The following ARHGAP24 variants were observed in gnomAD, a reference collection of about 807,000 sequenced individuals.
ARHGAP24 encodes the protein rho GTPase-activating protein 24.
ARHGAP24 carries 50 observed loss-of-function variants against 76.4 expected under a neutral mutation model. The observed-to-expected ratio is 0.65, with a 90% CI of 0.52 to 0.83. The LOEUF (loss-of-function observed/expected upper bound fraction) is 0.83. Ranked by LOEUF, ARHGAP24 falls within the 40% of genes least tolerant of loss-of-function variation. ARHGAP24 has a pLI of 0.00. For missense variants in ARHGAP24, 930 were observed against 914.2 expected (o/e 1.02, Z -0.22); for synonymous variants, 345 against 323.3 (o/e 1.07, Z -0.72).
rs777505373 is a variant in ARHGAP24, at chr4:85,972,081, C to T, written c.645C>T (p.Leu215=). The T allele has an allele frequency of 7.9e-5, 128 of 1,614,038 alleles. 1 individual carries two copies. The South Asian group carries it at 1.1e-3, about 14-fold the overall frequency. ...TGGCATCACTTCTTAAGCTGTACCT[C>T]CGAGAACTTCCAGAACCAGTTATTC... ...HTVASLLKLY[L]RELPEPVIPY... The change falls in exon 6 of 10, where the codon CTC becomes CTT. Residue 215 remains leucine (L), a synonymous_variant. Transcript: ENST00000395184.
At chr4:85,981,031 C>A (rs1325899863) in intron 8 of ARHGAP24, among the ~76,000 whole-genome samples, 2 of 152,158 alleles carry the variant, frequency 1.3e-5, no homozygotes, top group Non-Finnish European at 2.9e-5. Context: ...AAATATACGA[C>A]CTTGAGAACA....
chr4:85,998,222 G>A (rs1002749614), intron 9 of ARHGAP24, among the ~76,000 whole-genome samples: 2 of 151,966 alleles, frequency 1.3e-5, no homozygotes, highest in Non-Finnish European at 2.9e-5. Flanking sequence ...TTATAATTTT[G>A]TCATATTTTA....
intron 9 of ARHGAP24, among the ~76,000 whole-genome samples, chr4:85,997,341 T>TAGATA (rs1740724000): frequency 6.7e-6 from 1 of 149,918 alleles, no homozygotes; most frequent in South Asian, 2.1e-4. Context: ...GATAGATAGA[T>TAGATA]AGAGAGATAG....
intron 4 of ARHGAP24, chr4:85,930,838 A>G: frequency 6.3e-7 from 1 of 1,591,114 alleles, no homozygotes; most frequent in East Asian, 2.3e-5. Flanking sequence ...CAAAAATAAC[A>G]AGTAAACAAG....
At chr4:85,672,111 T>C (rs1326519832) in intron 2 of ARHGAP24, among the ~76,000 whole-genome samples, 1 of 152,170 alleles carries the variant, frequency 6.6e-6, no homozygotes, top group Non-Finnish European at 1.5e-5. Flanking sequence ...CTGTTGAGTT[T>C]TATGTGTGTA....
intron 1 of ARHGAP24, among the ~76,000 whole-genome samples, chr4:85,484,087 T>C (rs1722926715): frequency 6.6e-6 from 1 of 152,234 alleles, no homozygotes; most frequent in African/African-American, 2.4e-5. Context: ...GTGACTTCAA[T>C]TTCGTGTAGG....
chr4:85,916,691 G>A (rs1231784980), intron 3 of ARHGAP24, among the ~76,000 whole-genome samples: 1 of 152,056 alleles, frequency 6.6e-6, no homozygotes, highest in Non-Finnish European at 1.5e-5. Flanking sequence ...ATTCACCCTG[G>A]AAGTTATTAA....
chr4:85,711,071 G>C (rs1040127306), intron 2 of ARHGAP24, among the ~76,000 whole-genome samples: 2 of 152,100 alleles, frequency 1.3e-5, no homozygotes, highest in Non-Finnish European at 2.9e-5. Flanking sequence ...AGCTATAAAA[G>C]AACAACAAGA....
chr4:85,806,739 G>C (rs143745722), intron 3 of ARHGAP24, among the ~76,000 whole-genome samples: 13 of 152,232 alleles, frequency 8.5e-5, no homozygotes, highest in African/African-American at 3.1e-4. Context: ...GTAATCTCTA[G>C]TTCCAGTTTT....
rs1162828949 is a variant in ARHGAP24 at position 85,994,882 on chromosome 4, C to G, written c.1228C>G (p.Leu410Val). 7 of 1,613,990 alleles carry G rather than the reference C, an allele frequency of 4.3e-6. No individual in the cohort carries two copies. Among genetic ancestry groups the G allele is most frequent in the Non-Finnish European group, 5.9e-6 (7 of 1,180,040 alleles). Residue 410 changes from leucine (L) to valine (V), a missense_variant, in exon 9 of 10, where the codon CTA becomes GTA. By Grantham distance (32) the Leu-to-Val change is conservative (BLOSUM62 1). Transcript: ENST00000395184. ...CAGCCCAAAGAACAGTGTTCACAAG[C>G]TAGATGTGTCTAGAAGCCCCCCTCT... is the stretch of plus-strand genomic sequence containing the variant. ...TNSPKNSVHK[L>V]DVSRSPPLMV...
intron 3 of ARHGAP24, among the ~76,000 whole-genome samples, chr4:85,816,333 A>T (rs1729236465): frequency 6.6e-6 from 1 of 152,154 alleles, no homozygotes; most frequent in Non-Finnish European, 1.5e-5. Flanking sequence ...GCTCCTGGCA[A>T]CCACCATTCT....
At chr4:85,563,429 A>G (rs1392033403) in intron 1 of ARHGAP24, among the ~76,000 whole-genome samples, 1 of 152,214 alleles carries the variant, frequency 6.6e-6, no homozygotes, top group African/African-American at 2.4e-5. Context: ...CTGTGTGCTC[A>G]CATGAGCTCT....
intron 3 of ARHGAP24, among the ~76,000 whole-genome samples, chr4:85,785,103 C>T (rs1357785892): frequency 2.6e-5 from 4 of 152,082 alleles, no homozygotes; most frequent in African/African-American, 9.7e-5. Flanking sequence ...ATTTGAGGTC[C>T]AGCTTTGGTG....
At chr4:85,941,039 A>C (rs1026216887) in intron 4 of ARHGAP24, among the ~76,000 whole-genome samples, 3 of 152,174 alleles carry the variant, frequency 2.0e-5, no homozygotes, top group Non-Finnish European at 4.4e-5. Flanking sequence ...ACCTAATTTC[A>C]ACATGCACCA....
chr4:85,607,963 T>G (rs1720258118), intron 2 of ARHGAP24, among the ~76,000 whole-genome samples: 1 of 151,872 alleles, frequency 6.6e-6, no homozygotes. Flanking sequence ...TGCCTCTAAC[T>G]GTCTGTGGGT....
intron 2 of ARHGAP24, among the ~76,000 whole-genome samples, chr4:85,682,823 A>G (rs1446402215): frequency 6.6e-6 from 1 of 152,110 alleles, no homozygotes; most frequent in African/African-American, 2.4e-5. Flanking sequence ...TGTAGAGGGA[A>G]CTTTCTTTGG....
chr4:85,717,374 C>T (rs550666276), intron 2 of ARHGAP24, among the ~76,000 whole-genome samples: 1 of 152,218 alleles, frequency 6.6e-6, no homozygotes, highest in South Asian at 2.1e-4. Flanking sequence ...CCTCTTATAT[C>T]AAATTAATTG....
intron 5 of ARHGAP24, chr4:85,942,503 T>A: frequency 2.0e-6 from 1 of 510,340 alleles, no homozygotes; most frequent in Non-Finnish European, 3.5e-6. Flanking sequence ...TTTTTGTTCT[T>A]CTTCTTTGGT....
At chr4:85,548,069 CTAT>C (rs34075991) in intron 1 of ARHGAP24, among the ~76,000 whole-genome samples, 42,889 of 151,734 alleles carry the variant, frequency 0.28, 7,569 homozygotes, top group East Asian at 0.79. Flanking sequence ...TATTTAAATA[CTAT>C]TATTATTTAT....
Sources: gnomAD v4.1 joint callset for allele counts (sites outside exome capture counted in the v4.1 genomes callset) on GRCh38, gnomAD v4.1.1 for gene constraint, MANE v1.5 for transcripts, NCBI Gene and HGNC (gene_info 2026-07-23, HGNC 2026-07-21) for gene names.